The following PTPRD variants were observed in gnomAD, a reference collection of about 807,000 sequenced individuals.
The protein encoded by PTPRD is receptor-type tyrosine-protein phosphatase delta.
A neutral mutation model predicts 214.5 loss-of-function variants in PTPRD; 34 were observed. That is an observed-to-expected ratio of 0.16 (90% CI 0.12 to 0.21). The LOEUF is 0.21. PTPRD is among the 10% of genes least tolerant of loss of function. PTPRD has a pLI of 1.00. For missense variants in PTPRD, 2,545 were observed against 2,398.7 expected, an observed-to-expected ratio of 1.06 and a Z score of -1.27; for synonymous variants, 1,128 against 845.7, an observed-to-expected ratio of 1.33 and a Z score of -5.79.
chr9:10,567,432 T>C (rs1566971224), intron 2 of PTPRD, among the ~76,000 whole-genome samples: 1 of 152,126 alleles, frequency 6.6e-6, no homozygotes, highest in Non-Finnish European at 1.5e-5. Flanking sequence ...TGATAAGTTT[T>C]CAATTGTAAT....
chr9:10,453,081 T>G (rs1434512079), intron 2 of PTPRD, among the ~76,000 whole-genome samples: 2 of 151,774 alleles, frequency 1.3e-5, no homozygotes, highest in Non-Finnish European at 3.0e-5. Context: ...ATCCTATCTT[T>G]TCTCCATTGT....
intron 3 of PTPRD, among the ~76,000 whole-genome samples, chr9:10,127,202 A>G (rs2098826400): frequency 6.6e-6 from 1 of 152,174 alleles, no homozygotes. Flanking sequence ...AACTTCAGGT[A>G]GTAGTGGGAC....
intron 8 of PTPRD, among the ~76,000 whole-genome samples, chr9:9,537,336 T>C (rs1042908985): frequency 2.0e-5 from 3 of 152,002 alleles, no homozygotes; most frequent in African/African-American, 7.2e-5. Flanking sequence ...TGTGCATCCA[T>C]GTCGTTAGTC....
At chr9:8,332,306 C>T (rs914495774) in intron 43 of PTPRD, among the ~76,000 whole-genome samples, 11 of 152,074 alleles carry the variant, frequency 7.2e-5, no homozygotes, top group South Asian at 2.1e-4. Context: ...GACACAAACC[C>T]GGTAGTTGCT....
intron 11 of PTPRD, among the ~76,000 whole-genome samples, chr9:9,010,675 G>C (rs1225852935): frequency 1.3e-5 from 2 of 150,096 alleles, no homozygotes; most frequent in Non-Finnish European, 3.0e-5. Flanking sequence ...AAGTGTGGAA[G>C]TTGCTTCCAG....
At chr9:8,509,916 G>A (rs2097642175) in intron 21 of PTPRD, among the ~76,000 whole-genome samples, 1 of 152,078 alleles carries the variant, frequency 6.6e-6, no homozygotes, top group African/African-American at 2.4e-5. Context: ...AATGTACAGG[G>A]GGTTCTCTCC....
At chr9:8,496,221 C>CAT (rs2097267815) in intron 26 of PTPRD, among the ~76,000 whole-genome samples, 1 of 151,014 alleles carries the variant, frequency 6.6e-6, no homozygotes, top group Admixed American at 6.7e-5. Flanking sequence ...AACACACACA[C>CAT]ACACACACAC....
intron 9 of PTPRD, among the ~76,000 whole-genome samples, chr9:9,315,430 G>A (rs1379948876): frequency 6.6e-6 from 1 of 151,814 alleles, no homozygotes; most frequent in East Asian, 1.9e-4. Flanking sequence ...AGGATAATTA[G>A]GTTTTTAAAA....
At chr9:10,086,534 CTA>C (rs1383532399) in intron 3 of PTPRD, among the ~76,000 whole-genome samples, 1 of 151,802 alleles carries the variant, frequency 6.6e-6, no homozygotes, top group Admixed American at 6.6e-5. Context: ...CTGTCCCTTT[CTA>C]GCTGTTATAA....
chr9:8,830,751 G>C (rs1032546659), intron 11 of PTPRD, among the ~76,000 whole-genome samples: 3 of 152,016 alleles, frequency 2.0e-5, no homozygotes, highest in Non-Finnish European at 2.9e-5. Flanking sequence ...TCATTCGCAC[G>C]CAAGGATATT....
intron 7 of PTPRD, among the ~76,000 whole-genome samples, chr9:9,606,965 TAAAAAAAAAAAAAAAAAAAAA>T (rs754610072): frequency 2.2e-4 from 6 of 27,456 alleles, no homozygotes; most frequent in East Asian, 2.0e-3. Context: ...TCAGCACTGC[TAAAAAAAAAAAAAAAAAAAAA>T]AAAAAAAAAA....
intron 11 of PTPRD, among the ~76,000 whole-genome samples, chr9:8,845,316 C>T (rs1287657245): frequency 6.6e-6 from 1 of 152,182 alleles, no homozygotes; most frequent in African/African-American, 2.4e-5. Flanking sequence ...TTCCTTCAGT[C>T]AGTGTCCTAT....
chr9:8,811,448 A>C (rs2096801092), intron 11 of PTPRD, among the ~76,000 whole-genome samples: 1 of 152,210 alleles, frequency 6.6e-6, no homozygotes, highest in South Asian at 2.1e-4. Flanking sequence ...GAAAAGGCCC[A>C]TCAGTGTTTG....
chr9:9,958,504 C>G (rs774921785), intron 4 of PTPRD, among the ~76,000 whole-genome samples: 12 of 152,166 alleles, frequency 7.9e-5, no homozygotes, highest in Non-Finnish European at 1.2e-4. Flanking sequence ...GCACTCCAGC[C>G]TGGGTGACAA....
At chr9:10,117,752 T>C (rs1230806344) in intron 3 of PTPRD, among the ~76,000 whole-genome samples, 2 of 151,952 alleles carry the variant, frequency 1.3e-5, no homozygotes, top group Non-Finnish European at 2.9e-5. Context: ...TTGGACATGT[T>C]TTTTGGTGAA....
At chr9:9,336,328 C>G (rs1344226440) in intron 9 of PTPRD, among the ~76,000 whole-genome samples, 1 of 152,076 alleles carries the variant, frequency 6.6e-6, no homozygotes, top group East Asian at 1.9e-4. Flanking sequence ...AATCCTTTGC[C>G]CATGTGAGTT....
In PTPRD at chr9:9,468,439, ATG is replaced by A. The variant is rs577840032; in HGVS notation, c.-236-70959_-236-70958del. 4.1e-3 allele frequency among the ~76,000 whole-genome samples: 619 copies of A among 152,080 alleles called. 1 individual carries two copies. Among genetic ancestry groups the A allele is most frequent in the African/African-American group, 0.013 (552 of 41,520 alleles). ...TGTAAACACATACACAAGTATACTT[ATG>A]TGTGTGTGTTGTTTCCTGTCTTTAT... On this transcript the variant is annotated intron_variant, in intron 8 of 45. Coordinates refer to ENST00000381196, the MANE Select transcript of PTPRD (RefSeq NM_002839.4).
intron 2 of PTPRD, among the ~76,000 whole-genome samples, chr9:10,492,253 G>T (rs1237964825): frequency 6.6e-6 from 1 of 152,088 alleles, no homozygotes; most frequent in Non-Finnish European, 1.5e-5. Flanking sequence ...GGGTCAAATG[G>T]TATTACTGGT....
intron 7 of PTPRD, among the ~76,000 whole-genome samples, chr9:9,632,322 C>A (rs1201935446): frequency 6.6e-6 from 1 of 152,006 alleles, no homozygotes; most frequent in Non-Finnish European, 1.5e-5. Context: ...ATAAATGATT[C>A]ATGTAAATGT....
Sources: allele counts gnomAD v4.1 joint callset (sites outside exome capture counted in the v4.1 genomes callset), GRCh38; gene constraint gnomAD v4.1.1; transcripts MANE v1.5; gene names NCBI Gene and HGNC (gene_info 2026-07-23, HGNC 2026-07-21).